The following SH3BGRL variants were observed in gnomAD, a reference collection of about 807,000 sequenced individuals.
SH3BGRL encodes the protein SH3 domain binding glutamate rich protein like.
SH3BGRL carries 7 observed loss-of-function variants against 9.8 expected under a neutral mutation model. The observed-to-expected ratio is 0.72, with a 90% confidence interval of 0.41 to 1.35. The LOEUF is 1.35. Among genes scored for constraint, SH3BGRL ranks in the 40% most tolerant of loss-of-function variants. SH3BGRL has a pLI of 0.01. For synonymous variants in SH3BGRL, 36 were observed against 29.1 expected, an observed-to-expected ratio of 1.24 and a Z score of -0.76; for missense variants, 73 against 84.4, an observed-to-expected ratio of 0.86 and a Z score of 0.53.
intron 1 of SH3BGRL, among the ~76,000 whole-genome samples, chrX:81,226,738 C>T (rs1481027330): frequency 1.8e-5 from 2 of 108,338 alleles, no homozygotes; most frequent in Non-Finnish European, 3.8e-5. Context: ...ATGATGTAAA[C>T]AAGAGGTTGG....
chrX:81,242,212 C>G (rs939390392), intron 1 of SH3BGRL, among the ~76,000 whole-genome samples: 5 of 112,034 alleles, frequency 4.5e-5, no homozygotes, highest in African/African-American at 1.3e-4. Context: ...GGCATAAAGA[C>G]AGAAGCATAG....
intron 1 of SH3BGRL, among the ~76,000 whole-genome samples, chrX:81,241,265 G>A (rs1569361962): frequency 8.9e-6 from 1 of 112,202 alleles, no homozygotes; most frequent in Non-Finnish European, 1.9e-5. Flanking sequence ...TGCTTGGCAC[G>A]GGCCTGCATG....
chrX:81,274,578 C>T (rs2075792021), intron 1 of SH3BGRL, among the ~76,000 whole-genome samples: 1 of 108,868 alleles, frequency 9.2e-6, no homozygotes, highest in Non-Finnish European at 1.9e-5. Flanking sequence ...GGCGACAGAG[C>T]TAGACTCTGT....
intron 1 of SH3BGRL, among the ~76,000 whole-genome samples, chrX:81,262,159 T>C (rs2075743282): frequency 9.0e-6 from 1 of 111,297 alleles, no homozygotes; most frequent in Admixed American, 9.6e-5. Flanking sequence ...AGTCCCACTA[T>C]GCAGTAGGAG....
chrX:81,275,223 C>G (rs939118057), intron 1 of SH3BGRL, among the ~76,000 whole-genome samples: 15 of 110,675 alleles, frequency 1.4e-4, no homozygotes, highest in African/African-American at 4.9e-4. Context: ...ATGTAAAATT[C>G]TTAGCATGTC....
At chrX:81,279,892 C>T (rs182003669) in intron 3 of SH3BGRL, among the ~76,000 whole-genome samples, 119 of 111,738 alleles carry the variant, frequency 1.1e-3, no homozygotes, top group Non-Finnish European at 2.0e-3. Flanking sequence ...AGGGAAGAAC[C>T]AAAACCCTTT....
At chrX:81,266,212 A>T (rs774524093) in intron 1 of SH3BGRL, among the ~76,000 whole-genome samples, 33 of 111,754 alleles carry the variant, frequency 3.0e-4, no homozygotes, top group African/African-American at 1.0e-3. Context: ...ATTAGATCCC[A>T]TTTATCAATT....
chrX:81,240,647 T>C (rs1602606303), intron 1 of SH3BGRL, among the ~76,000 whole-genome samples: 1 of 112,664 alleles, frequency 8.9e-6, no homozygotes, highest in East Asian at 2.8e-4. Flanking sequence ...GTGCAGTCCA[T>C]ATCAACATAG....
chrX:81,257,529 A>T (rs1217216614), intron 1 of SH3BGRL, among the ~76,000 whole-genome samples: 1 of 112,082 alleles, frequency 8.9e-6, no homozygotes, highest in East Asian at 2.8e-4. Context: ...TGGCTCCACT[A>T]TGGCAGAATC....
intron 1 of SH3BGRL, among the ~76,000 whole-genome samples, chrX:81,268,235 T>A (rs1395735482): frequency 9.0e-5 from 10 of 111,131 alleles, no homozygotes; most frequent in African/African-American, 3.3e-4. Context: ...TCTGCTCTGA[T>A]CTTAGTTATT....
rs745920617 is a variant in SH3BGRL, at chrX:81,297,204, G to A, written c.322G>A (p.Val108Met). ...TTGTTTTTCATTTCAGGAAGCAGAA[G>A]TGCAAGCAAAGCAGCAAGCATGAAC... ...TAPPGSKEAE[V>M]QAKQQA The change falls in exon 4 of 4, where the codon GTG (valine) becomes ATG (methionine). Residue 108 changes from valine to methionine, a missense_variant. By Grantham distance (21) the Val-to-Met change is conservative. Transcript: ENST00000373212. 10 of 1,206,616 alleles carry A rather than the reference G, an allele frequency of 8.3e-6. No homozygotes were observed. The highest frequency in any genetic ancestry group is 1.8e-5 in the South Asian group (1 of 56,511).
intron 1 of SH3BGRL, among the ~76,000 whole-genome samples, chrX:81,225,794 C>T (rs1376305715): frequency 9.0e-6 from 1 of 111,451 alleles, no homozygotes; most frequent in African/African-American, 3.3e-5. Flanking sequence ...TGGGTCACTA[C>T]TAATTATATT....
intron 1 of SH3BGRL, among the ~76,000 whole-genome samples, chrX:81,266,577 G>A (rs2075757818): frequency 1.8e-5 from 2 of 111,530 alleles, no homozygotes; most frequent in African/African-American, 6.5e-5. Context: ...ATTTGTCTTG[G>A]TACCAGTACC....
rs984006247 is a variant in SH3BGRL, at chrX:81,298,411, C to T, written c.*1184C>T. ...AGCAAACACCTCTTACTTTAAACTACATTATCATGTATATCTATTGTATGC... is the reference window on the plus strand; with the variant it reads ...AGCAAACACCTCTTACTTTAAACTATATTATCATGTATATCTATTGTATGC... On this transcript the variant is annotated 3_prime_UTR_variant, in exon 4 of 4. Transcript: ENST00000373212. 1 of 111,495 alleles carries T rather than the reference C, an allele frequency of 9.0e-6. No homozygotes were observed. Among genetic ancestry groups the T allele is most frequent in the African/African-American group, 3.2e-5 (1 of 30,808 alleles). 9.2% of individuals were successfully genotyped at this position (111,495 alleles called of 1,213,427 possible).
chrX:81,286,277 G>A (rs2075833584), intron 3 of SH3BGRL, among the ~76,000 whole-genome samples: 1 of 110,491 alleles, frequency 9.1e-6, no homozygotes, highest in Admixed American at 9.7e-5. Context: ...ATTGGCAAAG[G>A]CATGTTCACT....
chrX:81,278,387 C>T lies in SH3BGRL; in HGVS notation c.288C>T (p.Gly96=), dbSNP rs758167494. 1.7e-6 allele frequency: 2 copies of T among 1,190,252 alleles called. No homozygotes were observed. The highest frequency in any genetic ancestry group is 3.6e-5 in the South Asian group (2 of 55,133). The change falls in exon 3 of 4, where the codon GGC becomes GGT. Residue 96 remains glycine, a synonymous_variant. Coordinates refer to ENST00000373212, the MANE Select transcript of SH3BGRL (RefSeq NM_003022.3). ...ATAATGCAGTGTATGCCTTCTTAGG[C>T]TTGACAGCCCCACCTGGTTCAAAGG... ...RENNAVYAFL[G]LTAPPGSKEA... is the part of the protein sequence containing the mutation.
intron 3 of SH3BGRL, among the ~76,000 whole-genome samples, chrX:81,280,767 A>G (rs913370907): frequency 1.8e-5 from 2 of 111,664 alleles, no homozygotes; most frequent in East Asian, 5.7e-4. Flanking sequence ...GTTCCCTTCA[A>G]CATCTGCAAA....
At chrX:81,232,396 G>GTGATGATGA (rs199805990) in intron 1 of SH3BGRL, among the ~76,000 whole-genome samples, 2 of 107,316 alleles carry the variant, frequency 1.9e-5, no homozygotes, top group African/African-American at 6.8e-5. Context: ...TAGTGAATTA[G>GTGATGATGA]TGATGATGAT....
intron 2 of SH3BGRL, among the ~76,000 whole-genome samples, chrX:81,278,058 G>T (rs988693578): frequency 1.8e-5 from 2 of 111,504 alleles, no homozygotes; most frequent in Non-Finnish European, 3.8e-5. Context: ...CGCCTCCCAG[G>T]CTCAAGCGAT....
Sources: allele counts gnomAD v4.1 joint callset (sites outside exome capture counted in the v4.1 genomes callset), GRCh38; gene constraint gnomAD v4.1.1; transcripts MANE v1.5; gene names NCBI Gene and HGNC (gene_info 2026-07-23, HGNC 2026-07-21).